Variants in FCN2 observed in about 807,000 individuals in gnomAD.
The protein encoded by FCN2 is ficolin-2.
Under a neutral mutation model 32.5 loss-of-function variants are expected in FCN2, and 31 were observed. The observed-to-expected ratio is 0.96, with a 90% confidence interval of 0.72 to 1.29. The LOEUF (loss-of-function observed/expected upper bound fraction) is 1.29, where lower values mean the gene tolerates loss of function less well. Among genes scored for constraint, FCN2 ranks in the 50% most tolerant of loss-of-function variants. FCN2 has a pLI of 0.00. For synonymous variants in FCN2, 181 were observed against 164.5 expected (o/e 1.10, Z -0.77); for missense variants, 412 against 406.5 (o/e 1.01, Z -0.12).
rs1588645568 is a variant in FCN2 at position 134,885,996 on chromosome 9, A to C, written c.559+99A>C. 10 of 1,301,762 alleles carry C rather than the reference A, an allele frequency of 7.7e-6. No individual in the cohort carries two copies. In the East Asian group the frequency reaches 1.9e-4, roughly 25 times the overall value. 80.6% of individuals were successfully genotyped at this position (1,301,762 alleles called of 1,614,324 possible). On this transcript the variant is annotated intron_variant, in intron 6 of 7. Coordinates refer to ENST00000291744, the MANE Select transcript of FCN2 (RefSeq NM_004108.3). ...CTGGAACACAAGAGCCTCTTGGCCC[A>C]CAGGGGATTGGGCCCTGAGCACACT...
chr9:134,884,898 G>T, intron 4 of FCN2, 126 bp downstream of exon 4: 2 of 902,312 alleles, frequency 2.2e-6, no homozygotes, highest in Middle Eastern at 2.1e-4. Context: ...TTGCTTGCCC[G>T]TTTCCTTGTC....
chr9:134,878,776 G>A (rs140970439), upstream of FCN2, among the ~76,000 whole-genome samples: 2,452 of 152,246 alleles, frequency 0.016, 25 homozygotes, highest in Middle Eastern at 0.024. Context: ...CCAGGAGGCG[G>A]AGGTTGTGGT....
the FCN2 span, among the ~76,000 whole-genome samples, chr9:134,870,974 C>T: frequency 6.6e-6 from 1 of 152,154 alleles, no homozygotes; most frequent in Admixed American, 6.5e-5. This position sits in a 1 kb window ranked among gnomAD's most constrained non-coding sequence, Gnocchi z 4.3. Flanking sequence ...GCCCTCTGAC[C>T]CCAGAGTCAG....
the FCN2 span, among the ~76,000 whole-genome samples, chr9:134,867,922 A>G: frequency 2.6e-5 from 4 of 152,228 alleles, no homozygotes; most frequent in Non-Finnish European, 5.9e-5. Context: ...TCTAAATGCC[A>G]TAAATTACAA....
the FCN2 span, among the ~76,000 whole-genome samples, chr9:134,873,864 AC>A: frequency 6.7e-5 from 10 of 149,554 alleles, no homozygotes; most frequent in Admixed American, 5.3e-4. Flanking sequence ...AAATGGCAGA[AC>A]TTTTTTTTTG....
chr9:134,874,585 T>A, the FCN2 span, among the ~76,000 whole-genome samples: 1 of 152,238 alleles, frequency 6.6e-6, no homozygotes, highest in South Asian at 2.1e-4. Context: ...TGCTTTTACA[T>A]CCAAACAACC....
At chr9:134,873,029 C>T in the FCN2 span, among the ~76,000 whole-genome samples, 2 of 152,020 alleles carry the variant, frequency 1.3e-5, no homozygotes, top group Non-Finnish European at 2.9e-5. Context: ...TGACTGATGA[C>T]GTTGAGCATC....
intron 7 of FCN2, 81 bp downstream of exon 7, chr9:134,886,645 T>C: frequency 6.5e-7 from 1 of 1,540,136 alleles, no homozygotes; most frequent in Non-Finnish European, 8.9e-7. Context: ...AGTGTCCTGG[T>C]AGCCTTGTGG....
chr9:134,886,544 C>A lies in FCN2; in HGVS notation c.674C>A (p.Ala225Asp). ...EAEKYNLVLG[A>D]FVEGSAGDSL... ...GAGAAGTACAATCTGGTCCTGGGGG[C>A]CTTCGTGGAGGGCAGTGCGGGTGAG... The change falls in exon 7 of 8, where the codon GCC becomes GAC. Residue 225 changes from alanine to aspartate, a missense_variant. Transcript: ENST00000291744. The A allele has an allele frequency of 6.2e-7, 1 of 1,614,016 alleles. No individual in the cohort carries two copies. Among genetic ancestry groups the A allele is most frequent in the African/African-American group, 1.3e-5 (1 of 75,034 alleles).
At chr9:134,883,439 C>A in intron 3 of FCN2, 84 bp downstream of exon 3, 1 of 1,245,648 alleles carries the variant, frequency 8.0e-7, no homozygotes, top group Non-Finnish European at 1.2e-6. Context: ...TCTTCTGGGG[C>A]TGCCACGCTG....
Position 134,884,740 on chromosome 9 carries a change from G to A in FCN2, c.269G>A (p.Gly90Glu), listed in dbSNP as rs1233947919. The A allele has an allele frequency of 6.2e-7, 1 of 1,613,938 alleles. No homozygotes were observed. Among genetic ancestry groups the A allele is most frequent in the South Asian group, 1.1e-5 (1 of 91,070 alleles). The change falls in exon 4 of 8, where the codon GGA (glycine) becomes GAA (glutamate). Residue 90 changes from glycine (G) to glutamate (E), a missense_variant and splice_region_variant. Transcript: ENST00000291744. ...PGKAGPPGPN[G>E]APGEPQPCLT... is the part of the protein sequence containing the mutation. ...TGTGTCCTCTCTCATCCATGAACAGGAGCACCTGGGGAGCCCCAGCCGTGC... is the reference window on the plus strand; with the variant it reads ...TGTGTCCTCTCTCATCCATGAACAGAAGCACCTGGGGAGCCCCAGCCGTGC...
chr9:134,876,489 T>C (rs1463636197), upstream of FCN2, among the ~76,000 whole-genome samples: 3 of 152,232 alleles, frequency 2.0e-5, no homozygotes, highest in African/African-American at 2.4e-5. Flanking sequence ...TATGTCTACC[T>C]TCACATCAGT....
intron 6 of FCN2, 123 bp downstream of exon 6, chr9:134,886,020 C>A: frequency 9.6e-7 from 1 of 1,047,054 alleles, no homozygotes; most frequent in Non-Finnish European, 1.4e-6. Flanking sequence ...CCTGAGCACA[C>A]TCAGGGTGGC....
At position 134,886,491 on chromosome 9, in the gene FCN2, C is replaced by T. The variant is rs1246943014; in HGVS notation, c.621C>T (p.Tyr207=). Residue 207 remains tyrosine, a synonymous_variant, in exon 7 of 8, where the codon TAC becomes TAT. Coordinates refer to ENST00000291744, the MANE Select transcript of FCN2 (RefSeq NM_004108.3). The stretch of plus-strand genomic sequence containing the variant: ...AGGACAACTACCAGTTTGCTAAGTA[C>T]AGATCATTCAAGGTGGCCGACGAGG... The part of the protein sequence containing the change: ...DFEDNYQFAK[Y]RSFKVADEAE... The T allele has an allele frequency of 1.9e-6, 3 of 1,614,138 alleles. No homozygotes were observed. Among genetic ancestry groups the T allele is most frequent in the Non-Finnish European group, 2.5e-6 (3 of 1,180,000 alleles).
the FCN2 span, among the ~76,000 whole-genome samples, chr9:134,867,783 C>T: frequency 5.9e-5 from 9 of 152,102 alleles, no homozygotes; most frequent in Non-Finnish European, 1.5e-5. Flanking sequence ...CCCTTCCAGC[C>T]CCGTAATTCT....
upstream of FCN2, among the ~76,000 whole-genome samples, chr9:134,879,654 A>G (rs1830636256): frequency 6.6e-6 from 1 of 152,156 alleles, no homozygotes. Context: ...TCTGCCCTAA[A>G]CACCACGGAA....
At chr9:134,871,649 C>A in the FCN2 span, among the ~76,000 whole-genome samples, 15 of 152,154 alleles carry the variant, frequency 9.9e-5, no homozygotes. Flanking sequence ...GGACCCGGTG[C>A]TGAGAGGGAG....
the FCN2 span, among the ~76,000 whole-genome samples, chr9:134,871,305 T>C: frequency 1.3e-5 from 2 of 152,208 alleles, no homozygotes; most frequent in African/African-American, 4.8e-5. Flanking sequence ...TTCTGGGATC[T>C]GTGACTGCAT....
chr9:134,864,459 G>A, the FCN2 span, among the ~76,000 whole-genome samples: 1 of 152,174 alleles, frequency 6.6e-6, no homozygotes, highest in African/African-American at 2.4e-5. Flanking sequence ...CCAAGCCTTC[G>A]GGAGGGAGTG....
Sources: allele counts gnomAD v4.1 joint callset (sites outside exome capture counted in the v4.1 genomes callset), GRCh38; gene constraint gnomAD v4.1.1; non-coding constraint Gnocchi (gnomAD v3.1); transcripts MANE v1.5; gene names NCBI Gene and HGNC (gene_info 2026-07-23, HGNC 2026-07-21).